The following FHIT variants were observed in gnomAD, a reference collection of about 807,000 sequenced individuals.
FHIT encodes the protein bis(5'-adenosyl)-triphosphatase.
In FHIT, 19 loss-of-function variants were observed where a neutral mutation model predicts 17.9. That is an observed-to-expected ratio of 1.06 (90% CI 0.74 to 1.56). The LOEUF (loss-of-function observed/expected upper bound fraction) is 1.56. Ranked by LOEUF, FHIT falls within the 40% of genes most tolerant of loss-of-function variation. The probability of loss-of-function intolerance (pLI) is 0.00; values close to 1 mark genes in which losing one functional copy is unlikely to be tolerated. For missense variants in FHIT, 248 were observed against 189.2 expected (o/e 1.31, Z -1.82); for synonymous variants, 81 against 69.7 (o/e 1.16, Z -0.81).
At chr3:60,118,610 G>A (rs1705090888) in intron 5 of FHIT, among the ~76,000 whole-genome samples, 1 of 151,860 alleles carries the variant, frequency 6.6e-6, no homozygotes, top group South Asian at 2.1e-4. Flanking sequence ...CTCGCCCAAG[G>A]TCACACAGTG....
chr3:59,879,309 GC>G (rs1703300657), intron 8 of FHIT, among the ~76,000 whole-genome samples: 1 of 152,274 alleles, frequency 6.6e-6, no homozygotes, highest in Admixed American at 6.5e-5. Flanking sequence ...GACTGTCACT[GC>G]AAGCCAGAAC....
intron 2 of FHIT, among the ~76,000 whole-genome samples, chr3:61,076,072 C>T (rs1005783928): frequency 6.6e-6 from 1 of 152,094 alleles, no homozygotes; most frequent in Admixed American, 6.6e-5. Flanking sequence ...AAGCTATAGA[C>T]TAAATGATTA....
At chr3:60,040,877 G>T (rs1240897919) in intron 5 of FHIT, among the ~76,000 whole-genome samples, 1 of 152,054 alleles carries the variant, frequency 6.6e-6, no homozygotes, top group East Asian at 1.9e-4. Flanking sequence ...TGGGGTGGCT[G>T]ATCTATACTT....
chr3:60,152,414 G>A lies in FHIT; in HGVS notation c.104-138262C>T, dbSNP rs1035060540. ...ACTAACCAGAGAGCAGAAACAAATT[G>A]AGTTGTTTGTTTCTCCAGGAGGGAA... On this transcript the variant is annotated intron_variant, in intron 5 of 9. Transcript: ENST00000492590. Among the ~76,000 whole-genome samples, 125 of 152,252 alleles carry A rather than the reference G, an allele frequency of 8.2e-4. 1 individual carries two copies. The highest frequency in any genetic ancestry group is 2.5e-3 in the African/African-American group (105 of 41,544).
chr3:60,340,375 G>A lies in FHIT; in HGVS notation c.103+196485C>T, dbSNP rs77601724. Among the ~76,000 whole-genome samples the A allele has an allele frequency of 1.7e-4, 26 of 152,270 alleles. No homozygotes were observed. The East Asian group carries it at 5.0e-3, about 29-fold the overall frequency. On this transcript the variant is annotated intron_variant, in intron 5 of 9. Coordinates refer to ENST00000492590, the MANE Select transcript of FHIT (RefSeq NM_002012.4). ...ATTATCTCCTACAACCGAATTAGAAGTAAGTGGTACATTGCCTCTGATCAC... is the reference window on the plus strand; with the variant it reads ...ATTATCTCCTACAACCGAATTAGAAATAAGTGGTACATTGCCTCTGATCAC...
intron 3 of FHIT, among the ~76,000 whole-genome samples, chr3:60,880,117 A>T (rs1704889229): frequency 6.6e-6 from 1 of 152,194 alleles, no homozygotes; most frequent in Non-Finnish European, 1.5e-5. Flanking sequence ...CAAGAATTCT[A>T]AAAACAACAA....
intron 4 of FHIT, among the ~76,000 whole-genome samples, chr3:60,780,343 C>T (rs1221757268): frequency 6.6e-6 from 1 of 152,140 alleles, no homozygotes; most frequent in Non-Finnish European, 1.5e-5. Context: ...TTTCCCAAAC[C>T]TTAAACTGGT....
intron 3 of FHIT, among the ~76,000 whole-genome samples, chr3:60,831,923 T>C (rs553095685): frequency 3.3e-5 from 5 of 152,188 alleles, no homozygotes; most frequent in Middle Eastern, 3.4e-3. Context: ...GATTGTATAA[T>C]GGAAAAAAAT....
chr3:60,045,393 AAG>A (rs1701610633), intron 5 of FHIT, among the ~76,000 whole-genome samples: 1 of 152,020 alleles, frequency 6.6e-6, no homozygotes, highest in Admixed American at 6.6e-5. Flanking sequence ...GCAGCAGGCA[AAG>A]AGAGAGTTTG....
chr3:61,037,363 C>A (rs1460089397), intron 3 of FHIT, among the ~76,000 whole-genome samples: 1 of 152,138 alleles, frequency 6.6e-6, no homozygotes, highest in Non-Finnish European at 1.5e-5. Context: ...GTTTCCTCAA[C>A]TGTAAAGCAA....
At chr3:60,274,350 A>AAT (rs1232561325) in intron 5 of FHIT, among the ~76,000 whole-genome samples, 2 of 152,226 alleles carry the variant, frequency 1.3e-5, no homozygotes, top group African/African-American at 2.4e-5. Flanking sequence ...CTTAACACCT[A>AAT]ATATATATAT....
At chr3:59,752,191 G>A (rs1218346440) in intron 9 of FHIT, 30 bp downstream of exon 9, 1 of 1,517,940 alleles carries the variant, frequency 6.6e-7, no homozygotes, top group South Asian at 1.1e-5. Flanking sequence ...CCACGGGAGG[G>A]TCTGGGTAAT....
chr3:60,691,469 AG>A lies in FHIT; in HGVS notation c.-18+130449del, dbSNP rs1311747583. ...CTGTAGCCTCCACCTCCCCAGGCTC[AG>A]GTGATCTACCCACCTCAGCCTCCTA... is the stretch of plus-strand genomic sequence containing the variant. On this transcript the variant is annotated intron_variant, in intron 4 of 9. Coordinates refer to ENST00000492590, the MANE Select transcript of FHIT (RefSeq NM_002012.4). 2.6e-5 allele frequency among the ~76,000 whole-genome samples: 4 copies of A among 151,884 alleles called. No individual in the cohort carries two copies. In the East Asian group the frequency reaches 7.8e-4, roughly 30 times the overall value.
At chr3:60,856,195 G>A (rs1703373859) in intron 3 of FHIT, among the ~76,000 whole-genome samples, 1 of 152,062 alleles carries the variant, frequency 6.6e-6, no homozygotes. Context: ...GTTGCTTCTT[G>A]CTAGACAGAG....
rs1476343749 is a variant in FHIT at position 60,922,205 on chromosome 3, T to C, written c.-110-100194A>G. Among the ~76,000 whole-genome samples the C allele has an allele frequency of 2.0e-5, 3 of 152,182 alleles. No individual in the cohort carries two copies. In the East Asian group the frequency reaches 5.8e-4, roughly 29 times the overall value. ...ATTTTTGTGGGGATGCAGCAAAGTT[T>C]TGTCAGATGTCAAGGGAGGTAATTA... On this transcript the variant is annotated intron_variant, in intron 3 of 9. Transcript: ENST00000492590.
intron 2 of FHIT, among the ~76,000 whole-genome samples, chr3:61,171,888 T>G (rs1270851490): frequency 1.3e-5 from 2 of 152,228 alleles, no homozygotes; most frequent in Non-Finnish European, 2.9e-5. Context: ...TCCAGAAGTG[T>G]GTGAAAACAT....
intron 5 of FHIT, among the ~76,000 whole-genome samples, chr3:60,362,060 T>C (rs903574606): frequency 2.6e-5 from 4 of 152,046 alleles, no homozygotes; most frequent in Admixed American, 6.5e-5. Flanking sequence ...ATCTCAGTGT[T>C]TAATACTGAG....
chr3:60,831,204 A>C lies in FHIT; in HGVS notation c.-110-9193T>G, dbSNP rs77402359. 6.5e-3 allele frequency among the ~76,000 whole-genome samples: 992 copies of C among 152,314 alleles called. 9 individuals are homozygous for C. Among genetic ancestry groups the C allele is most frequent in the African/African-American group, 0.022 (925 of 41,562 alleles). ...GATTATATATAATGAGGAGATTCTC[A>C]AAATGGCACAGAAAGGAAAGGAACG... On this transcript the variant is annotated intron_variant, in intron 3 of 9. Transcript: ENST00000492590.
At chr3:61,226,214 G>A (rs779511904) in intron 1 of FHIT, among the ~76,000 whole-genome samples, 16 of 152,248 alleles carry the variant, frequency 1.1e-4, no homozygotes, top group Non-Finnish European at 1.3e-4. Flanking sequence ...GTAATGAGAA[G>A]CAAGGCATTT....
Sources: gnomAD v4.1 joint callset for allele counts (sites outside exome capture counted in the v4.1 genomes callset) on GRCh38, gnomAD v4.1.1 for gene constraint, MANE v1.5 for transcripts, NCBI Gene and HGNC (gene_info 2026-07-23, HGNC 2026-07-21) for gene names.